The following MYO16 variants were observed in gnomAD, a reference collection of about 807,000 sequenced individuals.
The protein encoded by MYO16 is myosin XVI.
In MYO16, 94 loss-of-function variants were observed where a neutral mutation model predicts 205.3. The ratio of observed to expected loss-of-function variants is 0.46; its 90% CI spans 0.39 to 0.54. The LOEUF is 0.54. MYO16 is among the 20% of genes least tolerant of loss of function. The pLI, the probability that MYO16 is intolerant of heterozygous loss-of-function variation, is 0.00. For missense variants in MYO16, 2,315 were observed against 2,387.5 expected (o/e 0.97, Z 0.63); for synonymous variants, 988 against 954.0 (o/e 1.04, Z -0.66).
rs771546307 is a variant in MYO16, at chr13:109,019,823, C to T, written c.2708C>T (p.Ala903Val). 99 of 1,613,956 alleles carry T rather than the reference C, an allele frequency of 6.1e-5. No individual in the cohort carries two copies. Among genetic ancestry groups the T allele is most frequent in the African/African-American group, 1.3e-4 (10 of 74,910 alleles). ...CTCCTAGAATCCTCAAACACAAATG[C>T]GGTGTACTCCCCCATGAAGGATGGG... ...QSLLESSNTN[A>V]VYSPMKDGNG... Residue 903 changes from alanine to valine, a missense_variant, in exon 23 of 35, where the codon GCG (alanine) becomes GTG (valine). By Grantham distance (64) the Ala-to-Val change is moderately conservative. Coordinates refer to ENST00000457511, the MANE Select transcript of MYO16 (RefSeq NM_001198950.3).
chr13:109,201,513 T>A (rs935035482), intron 34 of MYO16: 60 of 108,434 alleles, frequency 5.5e-4, no homozygotes, highest in Middle Eastern at 4.6e-3. Flanking sequence ...AAAAAAAAAA[T>A]CTTATTCTTT....
intron 31 of MYO16, among the ~76,000 whole-genome samples, chr13:109,138,126 C>G (rs1318408639): frequency 6.6e-6 from 1 of 152,234 alleles, no homozygotes; most frequent in Non-Finnish European, 1.5e-5. Context: ...GAGCCCAGAT[C>G]CCTCTGATTC....
intron 15 of MYO16, among the ~76,000 whole-genome samples, chr13:108,907,300 A>G (rs1881032797): frequency 6.6e-6 from 1 of 152,162 alleles, no homozygotes; most frequent in Non-Finnish European, 1.5e-5. Context: ...CAACACCAAA[A>G]CTTTTTGGAA....
chr13:108,694,902 C>T (rs1475196446), intron 2 of MYO16, among the ~76,000 whole-genome samples: 1 of 152,044 alleles, frequency 6.6e-6, no homozygotes, highest in African/African-American at 2.4e-5. Flanking sequence ...CACCTGAGGT[C>T]GGGAGTTCGA....
chr13:108,600,073 T>C (rs374598054), intron 1 of MYO16, among the ~76,000 whole-genome samples: 72 of 152,318 alleles, frequency 4.7e-4, no homozygotes, highest in African/African-American at 1.6e-3. Context: ...AAGTCAGCAG[T>C]ACTTCTCTAA....
chr13:108,851,540 A>G (rs1877864148), intron 10 of MYO16, among the ~76,000 whole-genome samples: 1 of 152,298 alleles, frequency 6.6e-6, no homozygotes, highest in South Asian at 2.1e-4. Flanking sequence ...CAAGCATTCC[A>G]GTCTGTGATC....
At chr13:108,578,077 CT>C in the MYO16 span, among the ~76,000 whole-genome samples, 2 of 152,152 alleles carry the variant, frequency 1.3e-5, no homozygotes, top group African/African-American at 2.4e-5. Context: ...GATTAAATTA[CT>C]TCTATTTCTT....
At position 109,035,143 on chromosome 13, in the gene MYO16, C is replaced by T. The variant is rs74802225; in HGVS notation, c.2797-11773C>T. Among the ~76,000 whole-genome samples the T allele has an allele frequency of 6.0e-3, 875 of 145,538 alleles. 6 individuals are homozygous for T. Among genetic ancestry groups the T allele is most frequent in the Non-Finnish European group, 9.3e-3 (617 of 66,636 alleles). On this transcript the variant is annotated intron_variant, in intron 23 of 34. Coordinates refer to ENST00000457511, the MANE Select transcript of MYO16 (RefSeq NM_001198950.3). ...CCAACACCATATATGGCATATATAG[C>T]GTACCACAATAACCAGGGATTTTTG... is the stretch of plus-strand genomic sequence containing the variant.
chr13:108,820,854 C>A (rs1875930510), intron 8 of MYO16, among the ~76,000 whole-genome samples: 1 of 152,118 alleles, frequency 6.6e-6, no homozygotes, highest in East Asian at 1.9e-4. Context: ...CAGAGGCTGA[C>A]ATTCTTATGC....
At chr13:108,775,685 AT>A (rs1444400889) in intron 4 of MYO16, among the ~76,000 whole-genome samples, 1 of 152,194 alleles carries the variant, frequency 6.6e-6, no homozygotes, top group African/African-American at 2.4e-5. Flanking sequence ...AGTGGGACCC[AT>A]TACCAGCTAA....
intron 27 of MYO16, among the ~76,000 whole-genome samples, chr13:109,082,598 A>G (rs28528337): frequency 0.57 from 86,061 of 151,780 alleles, 24,551 homozygotes; most frequent in Middle Eastern, 0.61. Flanking sequence ...ACTTTGGGAG[A>G]CTAAGGCGAG....
chr13:108,640,459 A>G (rs1372204472), intron 1 of MYO16, among the ~76,000 whole-genome samples: 1 of 152,194 alleles, frequency 6.6e-6, no homozygotes, highest in African/African-American at 2.4e-5. Flanking sequence ...CTAAAAGGAA[A>G]AATACACACA....
chr13:108,844,317 T>C (rs1246859229), intron 9 of MYO16, 26 bp from the exon 10 acceptor site: 2 of 1,592,002 alleles, frequency 1.3e-6, no homozygotes, highest in Non-Finnish European at 1.7e-6. Context: ...AGAGACTAAT[T>C]GTAGTATTGA....
chr13:108,783,539 C>T (rs1886369577), intron 4 of MYO16, among the ~76,000 whole-genome samples: 2 of 152,040 alleles, frequency 1.3e-5, no homozygotes, highest in African/African-American at 4.8e-5. Flanking sequence ...GAGAAGGCAT[C>T]ATTGGTTTTG....
intron 1 of MYO16, among the ~76,000 whole-genome samples, chr13:108,635,527 G>A (rs1325736331): frequency 4.0e-5 from 6 of 149,380 alleles, no homozygotes; most frequent in Non-Finnish European, 7.4e-5. Context: ...TTTTGAGGGA[G>A]TCTCACTCTG....
the MYO16 span, among the ~76,000 whole-genome samples, chr13:108,584,428 TAAATGG>T: frequency 1.3e-5 from 2 of 152,174 alleles, no homozygotes; most frequent in Non-Finnish European, 2.9e-5. Context: ...GTAATCAGAG[TAAATGG>T]AATATCCATT....
intron 14 of MYO16, among the ~76,000 whole-genome samples, chr13:108,895,846 C>A (rs555365766): frequency 6.6e-6 from 1 of 152,302 alleles, no homozygotes; most frequent in African/African-American, 2.4e-5. Flanking sequence ...TATTGCTATT[C>A]ACAAAAGTAA....
At chr13:108,588,261 G>A in the MYO16 span, among the ~76,000 whole-genome samples, 17 of 152,216 alleles carry the variant, frequency 1.1e-4, no homozygotes, top group Admixed American at 7.9e-4. Context: ...CACAATCAAC[G>A]CTGCCTATGT....
In MYO16 at chr13:108,793,598, T is replaced by C; in HGVS notation, c.699T>C (p.Ser233=). 1 of 1,613,896 alleles carries C rather than the reference T, an allele frequency of 6.2e-7. No individual in the cohort carries two copies. The highest frequency in any genetic ancestry group is 2.2e-5 in the East Asian group (1 of 44,876). The part of the protein sequence containing the change: ...MLTDVKHFLS[S]GGNVNEKNDE... ...CAGATGTCAAACACTTCTTATCATCTGGAGGAAATGTCAATGAGAAAAACG... is the reference window on the plus strand; with the variant it reads ...CAGATGTCAAACACTTCTTATCATCCGGAGGAAATGTCAATGAGAAAAACG... The change falls in exon 6 of 35, where the codon TCT becomes TCC. Residue 233 remains serine (S), a synonymous_variant. Coordinates refer to ENST00000457511, the MANE Select transcript of MYO16 (RefSeq NM_001198950.3).
Sources: allele counts gnomAD v4.1 joint callset (sites outside exome capture counted in the v4.1 genomes callset), GRCh38; gene constraint gnomAD v4.1.1; transcripts MANE v1.5; gene names NCBI Gene and HGNC (gene_info 2026-07-23, HGNC 2026-07-21).